RYR2: variants seen among roughly 807,000 people sequenced by gnomAD.
RYR2 encodes the protein ryanodine receptor 2, also known as cardiac muscle ryanodine receptor-calcium release channel.
In RYR2, 227 loss-of-function variants were observed where a neutral mutation model predicts 601.1. That is an observed-to-expected ratio of 0.38 (90% CI 0.34 to 0.42). RYR2 has a LOEUF of 0.42. Ranked by LOEUF, RYR2 falls within the 10% of genes least tolerant of loss-of-function variation. RYR2 has a pLI of 1.00. For synonymous variants in RYR2, 2,223 were observed against 2,175.1 expected, an observed-to-expected ratio of 1.02 and a Z score of -0.61; for missense variants, 4,646 against 6,156.5, an observed-to-expected ratio of 0.75 and a Z score of 8.21.
chr1:237,378,338 T>G (rs1157941653), intron 8 of RYR2, among the ~76,000 whole-genome samples: 1 of 152,246 alleles, frequency 6.6e-6, no homozygotes, highest in Non-Finnish European at 1.5e-5. Flanking sequence ...AATATGTATT[T>G]AATTTAACTT....
At chr1:237,492,860 GAA>G (rs1663543029) in intron 18 of RYR2, 92 bp from the exon 19 acceptor site, 1 of 1,263,364 alleles carries the variant, frequency 7.9e-7, no homozygotes, top group Non-Finnish European at 1.1e-6. Context: ...AGGAAGGAAG[GAA>G]GGAAGGAAGA....
At chr1:237,088,443 G>A (rs1207861312) in intron 1 of RYR2, among the ~76,000 whole-genome samples, 1 of 152,188 alleles carries the variant, frequency 6.6e-6, no homozygotes, top group Non-Finnish European at 1.5e-5. Flanking sequence ...ATGTGTAAAT[G>A]TGTATTGGAT....
At chr1:237,043,673 G>A (rs1660208412) in intron 1 of RYR2, among the ~76,000 whole-genome samples, 1 of 152,136 alleles carries the variant, frequency 6.6e-6, no homozygotes, top group Non-Finnish European at 1.5e-5. Flanking sequence ...ATGTTCCCTT[G>A]CAGGATTCCC....
intron 3 of RYR2, among the ~76,000 whole-genome samples, chr1:237,337,461 T>A (rs1380184914): frequency 6.6e-6 from 1 of 152,204 alleles, no homozygotes; most frequent in Non-Finnish European, 1.5e-5. Flanking sequence ...AAGATCTGTG[T>A]ATTATCTCAT....
chr1:237,667,544 G>A (rs531442020), intron 57 of RYR2, among the ~76,000 whole-genome samples: 1 of 152,174 alleles, frequency 6.6e-6, no homozygotes, highest in East Asian at 1.9e-4. Flanking sequence ...ATAAGGTTTA[G>A]GTCATTTTTA....
At chr1:237,321,817 G>A (rs868660022) in intron 2 of RYR2, among the ~76,000 whole-genome samples, 1 of 152,112 alleles carries the variant, frequency 6.6e-6, no homozygotes, top group Non-Finnish European at 1.5e-5. Flanking sequence ...TGGTGTCAGT[G>A]GAATACAGGA....
At chr1:237,733,439 T>G (rs1274219006) in intron 78 of RYR2, among the ~76,000 whole-genome samples, 1 of 152,212 alleles carries the variant, frequency 6.6e-6, no homozygotes, top group African/African-American at 2.4e-5. Flanking sequence ...CATTTGTGTG[T>G]AAACCAAAAG....
At chr1:237,516,214 G>T (rs550455232) in intron 24 of RYR2, among the ~76,000 whole-genome samples, 44 of 152,184 alleles carry the variant, frequency 2.9e-4, no homozygotes, top group African/African-American at 1.0e-3. Flanking sequence ...AGATTCAAGT[G>T]ATTCTCCTGC....
chr1:237,422,822 C>T (rs1393671958), intron 11 of RYR2, among the ~76,000 whole-genome samples: 2 of 152,108 alleles, frequency 1.3e-5, no homozygotes, highest in East Asian at 1.9e-4. Flanking sequence ...TAGAATAGGG[C>T]GCTGTGTGGA....
intron 17 of RYR2, among the ~76,000 whole-genome samples, chr1:237,471,853 AAGAAGGACCCT>A (rs1336998569): frequency 6.6e-6 from 1 of 151,380 alleles, no homozygotes; most frequent in African/African-American, 2.5e-5. Flanking sequence ...AGTCAAGGGA[AAGAAGGACCCT>A]TAGAGTATAT....
At chr1:237,116,956 C>G (rs1321236705) in intron 1 of RYR2, among the ~76,000 whole-genome samples, 2 of 152,130 alleles carry the variant, frequency 1.3e-5, no homozygotes, top group African/African-American at 4.8e-5. Context: ...ACCCAGAAAT[C>G]GTGTTTAATC....
At chr1:237,425,443 G>T (rs1706054965) in intron 12 of RYR2, among the ~76,000 whole-genome samples, 1 of 152,066 alleles carries the variant, frequency 6.6e-6, no homozygotes, top group Non-Finnish European at 1.5e-5. Flanking sequence ...AGGTGAATCT[G>T]ACCAACATGG....
At chr1:237,192,017 T>C (rs1029340521) in intron 1 of RYR2, among the ~76,000 whole-genome samples, 7 of 152,022 alleles carry the variant, frequency 4.6e-5, no homozygotes, top group African/African-American at 9.7e-5. Flanking sequence ...TGCTGTGAAG[T>C]AGGTGAAGTA....
At position 237,731,918 on chromosome 1, in the gene RYR2, A is replaced by ACACACACACACCCC. The variant is rs753519564; in HGVS notation, c.10936-127_10936-126insACACACACACCCCC. 4.9e-6 allele frequency: 3 copies of ACACACACACACCCC among 607,194 alleles called. No homozygotes were observed. In the African/African-American group the frequency reaches 5.7e-5, roughly 11 times the overall value. The allele number at this position is 607,194 out of a possible 1,614,324, so 37.6% of individuals were successfully genotyped here. ...CACACACACACACACACACACACAC[A>ACACACACACACCCC]CCCCACAACAGGGAAGGAGGAACGT... On this transcript the variant is annotated intron_variant, in intron 77 of 104. Coordinates refer to ENST00000366574, the MANE Select transcript of RYR2 (RefSeq NM_001035.3).
intron 78 of RYR2, among the ~76,000 whole-genome samples, chr1:237,732,748 A>G (rs1044350403): frequency 1.3e-5 from 2 of 152,224 alleles, no homozygotes; most frequent in African/African-American, 4.8e-5. Flanking sequence ...TGTGCTCAGC[A>G]TCTGTCATTA....
intron 1 of RYR2, among the ~76,000 whole-genome samples, chr1:237,143,872 A>G (rs574895262): frequency 1.3e-5 from 2 of 152,290 alleles, no homozygotes; most frequent in Admixed American, 6.5e-5. Flanking sequence ...CTTATTGAAT[A>G]AATATCCTAG....
chr1:237,781,413 CTA>C (rs888972573), intron 88 of RYR2, among the ~76,000 whole-genome samples, 150 bp from the exon 89 acceptor site: 1 of 152,218 alleles, frequency 6.6e-6, no homozygotes, highest in African/African-American at 2.4e-5. Context: ...TAAAGTATAA[CTA>C]TTTTTAATAT....
At chr1:237,502,089 T>C (rs534890761) in intron 21 of RYR2, among the ~76,000 whole-genome samples, 85 of 152,290 alleles carry the variant, frequency 5.6e-4, no homozygotes, top group African/African-American at 1.9e-3. Context: ...ACCCAGGAGC[T>C]GGAGGCTGTA....
chr1:237,235,999 A>G (rs535532970), intron 1 of RYR2, among the ~76,000 whole-genome samples: 1 of 152,342 alleles, frequency 6.6e-6, no homozygotes, highest in East Asian at 1.9e-4. Context: ...TCATCCTGTC[A>G]TATTCTGAAG....
Sources: allele counts gnomAD v4.1 joint callset (sites outside exome capture counted in the v4.1 genomes callset), GRCh38; gene constraint gnomAD v4.1.1; transcripts MANE v1.5; gene names NCBI Gene and HGNC (gene_info 2026-07-23, HGNC 2026-07-21).